FOXN3: variants seen among roughly 807,000 people sequenced by gnomAD.
The protein encoded by FOXN3 is forkhead box protein N3.
A neutral mutation model predicts 38.4 loss-of-function variants in FOXN3; 7 were observed. That is an observed-to-expected ratio of 0.18 (90% CI 0.10 to 0.34). The LOEUF is 0.34. FOXN3 is among the 10% of genes least tolerant of loss of function. The pLI is 1.00. For missense variants in FOXN3, 456 were observed against 613.4 expected, an observed-to-expected ratio of 0.74 and a Z score of 2.71; for synonymous variants, 230 against 242.2, an observed-to-expected ratio of 0.95 and a Z score of 0.47.
At chr14:89,214,436 C>T (rs964646203) in intron 4 of FOXN3, among the ~76,000 whole-genome samples, 13 of 152,224 alleles carry the variant, frequency 8.5e-5, no homozygotes, top group South Asian at 2.1e-4. Context: ...CTATTTGCTC[C>T]GCTGCCCCGA....
At chr14:89,292,850 G>A (rs1185779918) in intron 3 of FOXN3, among the ~76,000 whole-genome samples, 1 of 152,076 alleles carries the variant, frequency 6.6e-6, no homozygotes, top group Non-Finnish European at 1.5e-5. Flanking sequence ...TCCACCGCAC[G>A]ACCTCCCACA....
intron 1 of FOXN3, among the ~76,000 whole-genome samples, chr14:89,582,069 C>T (rs1895751333): frequency 6.6e-6 from 1 of 152,158 alleles, no homozygotes; most frequent in Non-Finnish European, 1.5e-5. Context: ...TGAGAATAAA[C>T]ACACTAATGT....
intron 1 of FOXN3, among the ~76,000 whole-genome samples, chr14:89,499,238 G>A (rs577006818): frequency 6.6e-5 from 10 of 152,082 alleles, no homozygotes; most frequent in East Asian, 5.8e-4. Flanking sequence ...GTTTTGATTC[G>A]CATCTAATAT....
At chr14:89,462,768 T>C (rs2139730352) in intron 1 of FOXN3, among the ~76,000 whole-genome samples, 2 of 150,856 alleles carry the variant, frequency 1.3e-5, no homozygotes, top group South Asian at 4.2e-4. Flanking sequence ...CACTGCAACC[T>C]CTGCCTCCTG....
intron 1 of FOXN3, among the ~76,000 whole-genome samples, chr14:89,492,214 G>A (rs1893590431): frequency 6.6e-6 from 1 of 152,172 alleles, no homozygotes; most frequent in South Asian, 2.1e-4. Context: ...TCCTACCAAT[G>A]CTATTTGGTC....
chr14:89,548,092 C>G lies in FOXN3; in HGVS notation c.-15+70936G>C, dbSNP rs781624262. ...GGACACACCTCTGTTCAATTATTCA[C>G]GATAGAACACTTGAGTTGAAATAAA... On this transcript the variant is annotated intron_variant, in intron 1 of 6. Transcript: ENST00000345097. This position sits in a 1 kb window ranked among gnomAD's most constrained non-coding sequence, Gnocchi z 4.8. Among the ~76,000 whole-genome samples the G allele has an allele frequency of 1.3e-5, 2 of 152,146 alleles. No homozygotes were observed. The highest frequency in any genetic ancestry group is 6.5e-5 in the Admixed American group (1 of 15,272).
At chr14:89,283,423 T>A (rs908134470) in intron 3 of FOXN3, among the ~76,000 whole-genome samples, 1 of 152,186 alleles carries the variant, frequency 6.6e-6, no homozygotes, top group Non-Finnish European at 1.5e-5. Flanking sequence ...AAGCTTGATT[T>A]TTTCCCCCCT....
rs147940508 is a variant in FOXN3 at position 89,194,339 on chromosome 14, A to G, written c.746-13533T>C. On this transcript the variant is annotated intron_variant, in intron 4 of 5. Coordinates refer to ENST00000557258, the MANE Select transcript of FOXN3 (RefSeq NM_005197.4). Reference sequence around the variant, plus strand: ...ATAACACTTTCTTGGTCCAATATCCAGATTTACAGGCAAACAAAAATAGAA... The same window carrying G: ...ATAACACTTTCTTGGTCCAATATCCGGATTTACAGGCAAACAAAAATAGAA... Among the ~76,000 whole-genome samples the G allele has an allele frequency of 2.0e-3, 297 of 152,278 alleles. 3 individuals carry two copies. Among genetic ancestry groups the G allele is most frequent in the African/African-American group, 6.8e-3 (282 of 41,538 alleles).
chr14:89,346,249 G>GCATA (rs987561392), intron 3 of FOXN3, among the ~76,000 whole-genome samples: 1 of 152,148 alleles, frequency 6.6e-6, no homozygotes, highest in Admixed American at 6.5e-5. Flanking sequence ...TAAACATGCA[G>GCATA]CATACTACTA....
intron 4 of FOXN3, among the ~76,000 whole-genome samples, chr14:89,222,511 A>C (rs1884499045): frequency 6.6e-6 from 1 of 152,216 alleles, no homozygotes; most frequent in Non-Finnish European, 1.5e-5. Context: ...CGTGAATCTA[A>C]GGAGTGTGGG....
chr14:89,412,818 G>A lies in FOXN3; in HGVS notation c.-14-328C>T, dbSNP rs1182422893. Among the ~76,000 whole-genome samples the A allele has an allele frequency of 6.6e-6, 1 of 152,188 alleles. No homozygotes were observed. Among genetic ancestry groups the A allele is most frequent in the Non-Finnish European group, 1.5e-5 (1 of 68,028 alleles). ...GGAGGCTGAGGCGGGACGATTGCTT[G>A]AGACCAGGAGACCAGTTTTAAAGTA... On this transcript the variant is annotated intron_variant, in intron 1 of 5. Transcript: ENST00000557258. The surrounding 1 kb of genome is among the most constrained non-coding windows in gnomAD (Gnocchi z 4.7).
At chr14:89,416,068 T>G (rs1289515262) in intron 1 of FOXN3, among the ~76,000 whole-genome samples, 3 of 152,204 alleles carry the variant, frequency 2.0e-5, no homozygotes, top group African/African-American at 7.2e-5. Context: ...TTAAGAAATC[T>G]TCCCAGAGCC....
At chr14:89,609,847 T>G (rs531324255) in intron 1 of FOXN3, among the ~76,000 whole-genome samples, 1 of 151,728 alleles carries the variant, frequency 6.6e-6, no homozygotes, top group East Asian at 2.0e-4. Context: ...AAGAAAGCAA[T>G]GAGAAGCCCT....
chr14:89,367,056 T>C (rs567433644), intron 2 of FOXN3, among the ~76,000 whole-genome samples: 1 of 152,314 alleles, frequency 6.6e-6, no homozygotes, highest in African/African-American at 2.4e-5. Flanking sequence ...TTTATTTTAA[T>C]AAATAATCAT....
At chr14:89,278,195 G>A (rs961395948) in intron 4 of FOXN3, among the ~76,000 whole-genome samples, 1 of 152,156 alleles carries the variant, frequency 6.6e-6, no homozygotes, top group Non-Finnish European at 1.5e-5. Flanking sequence ...CATGGTGGAA[G>A]ACAAAAGATA....
intron 1 of FOXN3, among the ~76,000 whole-genome samples, chr14:89,587,944 G>A (rs1440183574): frequency 1.3e-5 from 2 of 151,806 alleles, no homozygotes; most frequent in African/African-American, 2.4e-5. Context: ...GGCATATGGG[G>A]GCTTTTTTGT....
At chr14:89,199,546 G>T (rs1047454772) in intron 4 of FOXN3, among the ~76,000 whole-genome samples, 1 of 152,092 alleles carries the variant, frequency 6.6e-6, no homozygotes, top group African/African-American at 2.4e-5. Flanking sequence ...AACAAAAGAT[G>T]ATCTAATTAA....
At chr14:89,225,651 G>T (rs1884614147) in intron 4 of FOXN3, among the ~76,000 whole-genome samples, 1 of 152,126 alleles carries the variant, frequency 6.6e-6, no homozygotes, top group Admixed American at 6.5e-5. Flanking sequence ...ATTTGAACTA[G>T]ATCTAGTCTG....
At chr14:89,302,790 C>G (rs554788863) in intron 3 of FOXN3, among the ~76,000 whole-genome samples, 2 of 152,328 alleles carry the variant, frequency 1.3e-5, no homozygotes, top group East Asian at 1.9e-4. Flanking sequence ...CTGCCCTTCT[C>G]TGTCCACCTC....
Sources: gnomAD v4.1 joint callset for allele counts (sites outside exome capture counted in the v4.1 genomes callset) on GRCh38, gnomAD v4.1.1 for gene constraint, Gnocchi (gnomAD v3.1) non-coding constraint, MANE v1.5 for transcripts, NCBI Gene and HGNC (gene_info 2026-07-23, HGNC 2026-07-21) for gene names.